The following EML5 variants were observed in gnomAD, a reference collection of about 807,000 sequenced individuals.
EML5 encodes echinoderm microtubule-associated protein-like 5.
A neutral mutation model predicts 250.0 loss-of-function variants in EML5; 120 were observed. The ratio of observed to expected loss-of-function variants is 0.48; its 90% CI spans 0.41 to 0.56. EML5 has a LOEUF of 0.56. Ranked by LOEUF, EML5 falls within the 20% of genes least tolerant of loss-of-function variation. The pLI, the probability that EML5 is intolerant of heterozygous loss-of-function variation, is 0.00. For missense variants in EML5, 2,006 were observed against 2,437.6 expected (o/e 0.82, Z 3.73); for synonymous variants, 771 against 806.5 (o/e 0.96, Z 0.75).
intron 1 of EML5, among the ~76,000 whole-genome samples, chr14:88,769,724 A>G (rs2140570301): frequency 6.6e-6 from 1 of 152,336 alleles, no homozygotes; most frequent in East Asian, 1.9e-4. Context: ...GTCTGTATAC[A>G]TAGATACATT....
At position 88,665,483 on chromosome 14, in the gene EML5, C is replaced by T; in HGVS notation, c.3131G>A (p.Arg1044Lys). 6.2e-7 allele frequency: 1 copy of T among 1,613,728 alleles called. No homozygotes were observed. Among genetic ancestry groups the T allele is most frequent in the African/African-American group, 1.3e-5 (1 of 75,020 alleles). ...LAVRKLKKGG[R>K]CCCFSPDGKA... ...ACCATCAGGAGAAAAACAGCAACAC[C>T]TCCCACCTGAAAGAGAAAGAGCATA... The change falls in exon 22 of 44, where the codon AGG becomes AAG. Residue 1044 changes from arginine (R) to lysine (K), a missense_variant. This residue lies in a region of EML5 where 1,375 missense variants were observed against 1,590.3 expected (regional missense o/e 0.86). Coordinates refer to ENST00000554922, the MANE Select transcript of EML5 (RefSeq NM_183387.3).
In EML5 at chr14:88,616,176, G is replaced by A. The variant is rs2087581667; in HGVS notation, c.5863C>T (p.Arg1955Ter). The change falls in exon 43 of 44, where the codon CGA becomes TGA. Residue 1955 changes from arginine (R) to a stop codon, truncating the protein, a stop_gained. Coordinates refer to ENST00000554922, the MANE Select transcript of EML5 (RefSeq NM_183387.3). LOFTEE classifies it high-confidence loss of function. ...VTNIRFTSGD[R>*]HVVSAGGDDC... ...TCACCTCCAGCACTAACAACATGTCGATCACCACTGGTAAATCGAATATTT... is the reference window on the plus strand; with the variant it reads ...TCACCTCCAGCACTAACAACATGTCAATCACCACTGGTAAATCGAATATTT... The A allele has an allele frequency of 1.2e-6, 2 of 1,613,702 alleles. No individual in the cohort carries two copies. Among genetic ancestry groups the A allele is most frequent in the Admixed American group, 1.7e-5 (1 of 59,992 alleles).
intron 1 of EML5, among the ~76,000 whole-genome samples, chr14:88,778,799 AAAGTGGT>A (rs1417098857): frequency 1.3e-5 from 2 of 152,152 alleles, no homozygotes; most frequent in Non-Finnish European, 2.9e-5. Flanking sequence ...AAAACAAAAC[AAAGTGGT>A]AAGTTAAATA....
intron 1 of EML5, among the ~76,000 whole-genome samples, chr14:88,768,769 C>T (rs2094353634): frequency 6.6e-6 from 1 of 152,160 alleles, no homozygotes; most frequent in Admixed American, 6.5e-5. Context: ...TAGAATTCTA[C>T]TACAAGGAAG....
At chr14:88,641,091 C>T (rs2091038214) in intron 31 of EML5, among the ~76,000 whole-genome samples, 1 of 151,924 alleles carries the variant, frequency 6.6e-6, no homozygotes, top group South Asian at 2.1e-4. Context: ...TTAAACAGAC[C>T]AATAATGAGT....
intron 35 of EML5, chr14:88,626,376 CT>C (rs1242017662): frequency 1.9e-5 from 3 of 158,982 alleles, no homozygotes; most frequent in African/African-American, 7.2e-5. Context: ...AAACCCAGCA[CT>C]TTGGGAGGTC....
intron 25 of EML5, among the ~76,000 whole-genome samples, chr14:88,659,628 T>C (rs1184192684): frequency 6.6e-6 from 1 of 152,148 alleles, no homozygotes; most frequent in Non-Finnish European, 1.5e-5. Flanking sequence ...AAACATAATC[T>C]GCAGATCAAT....
intron 1 of EML5, among the ~76,000 whole-genome samples, chr14:88,778,193 T>A (rs1415731324): frequency 6.6e-6 from 1 of 151,846 alleles, no homozygotes; most frequent in Non-Finnish European, 1.5e-5. Flanking sequence ...GAACATCACC[T>A]TAACTAAAAT....
chr14:88,681,958 T>A lies in EML5; in HGVS notation c.3056A>T (p.Asp1019Val). ...GAGATCCCATATTCTTAAGGTTTTA[T>A]CATCGCTTACAGTAGCACAGATGGG... ...YLPICATVSD[D>V]KTLRIWDLSP... The change falls in exon 21 of 44, where the codon GAT (aspartate) becomes GTT (valine). Residue 1019 changes from aspartate to valine, a missense_variant. Transcript: ENST00000554922. The A allele has an allele frequency of 6.2e-7, 1 of 1,613,726 alleles. No homozygotes were observed. The highest frequency in any genetic ancestry group is 2.2e-5 in the East Asian group (1 of 44,852).
At position 88,621,260 on chromosome 14, in the gene EML5, T is replaced by C. The variant is rs182692650; in HGVS notation, c.5055A>G (p.Glu1685=). 6.2e-7 allele frequency: 1 copy of C among 1,613,916 alleles called. No homozygotes were observed. The highest frequency in any genetic ancestry group is 1.3e-5 in the African/African-American group (1 of 75,046). ...TACAAGCTGCATTTTTCTCTCCAAC[T>C]TCGATTATTTCAGCATTCCTTGTCC... ...LVGTRNAEII[E]VGEKNAACNI... Residue 1685 remains glutamate (E), a synonymous_variant, in exon 38 of 44, where the codon GAA becomes GAG. Transcript: ENST00000554922.
chr14:88,698,989 T>A lies in EML5; in HGVS notation c.2239-2037A>T, dbSNP rs565417161. On this transcript the variant is annotated intron_variant, in intron 14 of 43. Transcript: ENST00000554922. The stretch of plus-strand genomic sequence containing the variant: ...AAAGAGAGGTTAGGTAATTTGCCAG[T>A]AGCGAATAAGTGGAAAGGCTTGGAT... Among the ~76,000 whole-genome samples the A allele has an allele frequency of 1.7e-4, 26 of 152,282 alleles. No homozygotes were observed. The South Asian group carries it at 5.2e-3, about 30-fold the overall frequency.
At chr14:88,733,526 A>T (rs773367414) in intron 7 of EML5, among the ~76,000 whole-genome samples, 1 of 152,226 alleles carries the variant, frequency 6.6e-6, no homozygotes, top group Admixed American at 6.5e-5. Context: ...TTAAAGAAAC[A>T]ATTGTCCTAT....
At chr14:88,651,120 G>GAAATCAC (rs1467483768) in intron 27 of EML5, among the ~76,000 whole-genome samples, 3 of 139,546 alleles carry the variant, frequency 2.1e-5, no homozygotes, top group African/African-American at 7.9e-5. Context: ...TTGTGAAAAT[G>GAAATCAC]AAATCACATT....
chr14:88,778,146 A>G (rs2094464374), intron 1 of EML5, among the ~76,000 whole-genome samples: 1 of 152,242 alleles, frequency 6.6e-6, no homozygotes, highest in African/African-American at 2.4e-5. Flanking sequence ...TGGATACACA[A>G]AAAATAAAAA....
chr14:88,792,164 G>T lies in EML5; in HGVS notation c.197+143C>A. ...GGCATTTGTAGGGTGTTAACTGGTG[G>T]ACTCGGGACCAGAGAGACAGCTGCG... On this transcript the variant is annotated intron_variant, in intron 1 of 43. Transcript: ENST00000554922. This position sits in a 1 kb window ranked among gnomAD's most constrained non-coding sequence, Gnocchi z 6.9. 1 of 955,238 alleles carries T rather than the reference G, an allele frequency of 1.0e-6. No homozygotes were observed. Among genetic ancestry groups the T allele is most frequent in the Non-Finnish European group, 1.5e-6 (1 of 662,888 alleles). 59.2% of individuals were successfully genotyped at this position (955,238 alleles called of 1,614,324 possible).
chr14:88,758,123 C>A (rs987652046), intron 1 of EML5, among the ~76,000 whole-genome samples: 2 of 150,086 alleles, frequency 1.3e-5, no homozygotes, highest in East Asian at 3.9e-4. Context: ...TCTCAAAATT[C>A]TAGTATTACA....
At chr14:88,618,895 T>TA in intron 39 of EML5, 83 bp from the exon 40 acceptor site, 1 of 1,404,924 alleles carries the variant, frequency 7.1e-7, no homozygotes, top group Non-Finnish European at 9.5e-7. Context: ...CCTTTCTAGT[T>TA]CTTAAAAGTA....
intron 33 of EML5, 95 bp downstream of exon 33, chr14:88,634,374 T>G: frequency 1.3e-6 from 1 of 784,120 alleles, no homozygotes; most frequent in Non-Finnish European, 2.0e-6. Context: ...TTAATAGTAA[T>G]GCAAGAACGG....
At chr14:88,766,111 C>T (rs922046394) in intron 1 of EML5, among the ~76,000 whole-genome samples, 4 of 152,134 alleles carry the variant, frequency 2.6e-5, no homozygotes, top group South Asian at 2.1e-4. Flanking sequence ...CTCTTAATCT[C>T]GTCATCTTCG....
Sources: gnomAD v4.1 joint callset for allele counts (sites outside exome capture counted in the v4.1 genomes callset) on GRCh38, gnomAD v4.1.1 for gene constraint, gnomAD v4.1.1 regional missense constraint, Gnocchi (gnomAD v3.1) non-coding constraint, MANE v1.5 for transcripts, NCBI Gene and HGNC (gene_info 2026-07-23, HGNC 2026-07-21) for gene names.